GTF3C1: variants seen among roughly 807,000 people sequenced by gnomAD.
GTF3C1 encodes the protein general transcription factor 3C polypeptide 1.
In GTF3C1, 57 loss-of-function variants were observed where a neutral mutation model predicts 226.7. The observed-to-expected ratio is 0.25, with a 90% CI of 0.20 to 0.31. GTF3C1 has a LOEUF of 0.31. Ranked by LOEUF, GTF3C1 falls within the 10% of genes least tolerant of loss-of-function variation. The pLI is 1.00. For synonymous variants in GTF3C1, 1,090 were observed against 1,084.8 expected (o/e 1.00, Z -0.09); for missense variants, 2,217 against 2,776.1 (o/e 0.80, Z 4.53).
intron 5 of GTF3C1, among the ~76,000 whole-genome samples, chr16:27,531,404 C>A (rs1415363084): frequency 2.0e-5 from 3 of 152,224 alleles, no homozygotes; most frequent in Non-Finnish European, 2.9e-5. Context: ...GGGAAAAGCC[C>A]AGCTCAACTG....
At position 27,465,502 on chromosome 16, in the gene GTF3C1, G is replaced by A. The variant is rs751806267; in HGVS notation, c.5113C>T (p.Leu1705Phe). 42 of 1,602,810 alleles carry A rather than the reference G, an allele frequency of 2.6e-5. No individual in the cohort carries two copies. Among genetic ancestry groups the A allele is most frequent in the Non-Finnish European group, 3.5e-5 (41 of 1,179,548 alleles). Residue 1705 changes from leucine to phenylalanine, a missense_variant, in exon 33 of 37, where the codon CTC becomes TTC. Physicochemically the swap from Leu to Phe is conservative, Grantham distance 22. Transcript: ENST00000356183. ...LEELTMGTSC[L>F]PDTFTKLINP... ...ATCAGCTTGGTGAACGTATCAGGGA[G>A]GCAGGAGGTTCCCATTGTTAGCTCT...
At chr16:27,547,327 T>G (rs2089179356) in intron 1 of GTF3C1, among the ~76,000 whole-genome samples, 1 of 152,156 alleles carries the variant, frequency 6.6e-6, no homozygotes, top group Non-Finnish European at 1.5e-5. Flanking sequence ...CTGCTTTCAC[T>G]CCCACGAAGC....
chr16:27,512,269 C>T (rs754581187), intron 6 of GTF3C1, among the ~76,000 whole-genome samples: 4 of 152,148 alleles, frequency 2.6e-5, no homozygotes, highest in Non-Finnish European at 5.9e-5. Context: ...ACCCAGGACA[C>T]GGCCCACACT....
At chr16:27,497,957 A>G (rs1000872395) in intron 13 of GTF3C1, 136 bp from the exon 14 acceptor site, 3 of 661,258 alleles carry the variant, frequency 4.5e-6, no homozygotes, top group Non-Finnish European at 7.4e-6. Flanking sequence ...GGGGCCAGGG[A>G]GATGATGCAA....
intron 8 of GTF3C1, 52 bp downstream of exon 8, chr16:27,508,488 C>T: frequency 2.2e-6 from 3 of 1,352,438 alleles, no homozygotes; most frequent in South Asian, 2.3e-5. Flanking sequence ...CTCAAATACA[C>T]TGCAAGCACC....
intron 6 of GTF3C1, among the ~76,000 whole-genome samples, chr16:27,528,087 A>G (rs1185351444): frequency 6.6e-6 from 1 of 152,228 alleles, no homozygotes; most frequent in Non-Finnish European, 1.5e-5. Context: ...CAGCCTGGCC[A>G]GCATGGCGAA....
Position 27,461,669 on chromosome 16 carries a change from C to T in GTF3C1, c.6118-107G>A, listed in dbSNP as rs143407526. 1 of 829,208 alleles carries T rather than the reference C, an allele frequency of 1.2e-6. No individual in the cohort carries two copies. The highest frequency in any genetic ancestry group is 1.9e-6 in the Non-Finnish European group (1 of 514,400). The allele number at this position is 829,208 out of a possible 1,614,324, so 51.4% of individuals were successfully genotyped here. A position where few individuals can be genotyped will look rare whatever the true frequency, so the allele number is the denominator to read the frequency against. On this transcript the variant is annotated intron_variant, in intron 36 of 36. Transcript: ENST00000356183. The surrounding 1 kb of genome is among the most constrained non-coding windows in gnomAD (Gnocchi z 5.3). ...CCCCTCTGTACCAGGGAGCCACTTCCCAGAGCAGGGGGCACCTGAACTGGG... is the reference window on the plus strand; with the variant it reads ...CCCCTCTGTACCAGGGAGCCACTTCTCAGAGCAGGGGGCACCTGAACTGGG...
At chr16:27,491,100 A>C (rs232068) in intron 19 of GTF3C1, among the ~76,000 whole-genome samples, 26,761 of 152,158 alleles carry the variant, frequency 0.18, 2,589 homozygotes, top group African/African-American at 0.25. Flanking sequence ...TATGAAACAC[A>C]CTGTTCTAAA....
chr16:27,502,889 G>A lies in GTF3C1; in HGVS notation c.1877C>T (p.Thr626Ile). Reference sequence around the variant, plus strand: ...TAAACTCTCGATTAAGCGAAGATTGGTGACAGCTTCTATGATCAGATTCCT... The same window carrying A: ...TAAACTCTCGATTAAGCGAAGATTGATGACAGCTTCTATGATCAGATTCCT... ...KRRNLIIEAV[T>I]NLRLIESLFT... The change falls in exon 11 of 37, where the codon ACC (threonine) becomes ATC (isoleucine). Residue 626 changes from threonine to isoleucine, a missense_variant. This residue lies in a region of GTF3C1 where 52 missense variants were observed against 110.8 expected (regional missense o/e 0.47). Transcript: ENST00000356183. 2 of 1,603,958 alleles carry A rather than the reference G, an allele frequency of 1.2e-6. No homozygotes were observed. The highest frequency in any genetic ancestry group is 1.7e-6 in the Non-Finnish European group (2 of 1,174,786).
At chr16:27,542,285 G>C (rs908858757) in intron 2 of GTF3C1, among the ~76,000 whole-genome samples, 1 of 152,242 alleles carries the variant, frequency 6.6e-6, no homozygotes, top group Non-Finnish European at 1.5e-5. Context: ...AGTATGCCGG[G>C]TGCAGTGGCC....
At chr16:27,494,976 G>A (rs147087582) in intron 15 of GTF3C1, 68 bp from the exon 16 acceptor site, 18 of 1,390,100 alleles carry the variant, frequency 1.3e-5, no homozygotes, top group East Asian at 9.2e-5. Context: ...ACATGGTAAC[G>A]TCATCTCCCA....
At chr16:27,487,385 G>A (rs2088158395) in intron 23 of GTF3C1, among the ~76,000 whole-genome samples, 1 of 152,184 alleles carries the variant, frequency 6.6e-6, no homozygotes, top group South Asian at 2.1e-4. Context: ...TATGAAAGTG[G>A]TCTAAAAACT....
In GTF3C1 at chr16:27,488,373, G is replaced by A. The variant is rs973079409; in HGVS notation, c.3554C>T (p.Ser1185Phe). ...CTCTTCCCAGCCAGCACAGAGCTCG[G>A]AGCCTACTCTTGCTTCCCCCCAAAT... ...LNIWGEARVG[S>F]ELCAGWEEQF... is the part of the protein sequence containing the mutation. The change falls in exon 23 of 37, where the codon TCC (serine) becomes TTC (phenylalanine). Residue 1185 changes from serine to phenylalanine, a missense_variant. Around this residue, in one of 12 missense-constraint regions of GTF3C1, gnomAD observed 546 missense variants for 663.0 expected, o/e 0.82. Transcript: ENST00000356183. The A allele has an allele frequency of 6.2e-7, 1 of 1,613,744 alleles. No individual in the cohort carries two copies. Among genetic ancestry groups the A allele is most frequent in the Non-Finnish European group, 8.5e-7 (1 of 1,179,666 alleles).
chr16:27,482,730 C>T (rs920415379), intron 26 of GTF3C1: 19 of 442,306 alleles, frequency 4.3e-5, no homozygotes, highest in Non-Finnish European at 7.5e-5. Flanking sequence ...AAAACCCACA[C>T]CCAGTCTGCG....
chr16:27,523,228 T>C (rs1159667429), intron 6 of GTF3C1, among the ~76,000 whole-genome samples: 1 of 152,122 alleles, frequency 6.6e-6, no homozygotes, highest in African/African-American at 2.4e-5. Context: ...TTGAAGAAAA[T>C]AATCCAAATT....
At chr16:27,474,500 A>G (rs943591370) in intron 29 of GTF3C1, among the ~76,000 whole-genome samples, 1 of 152,230 alleles carries the variant, frequency 6.6e-6, no homozygotes, top group Non-Finnish European at 1.5e-5. Context: ...ACTAATCAGC[A>G]GGATAGCTGG....
rs780995111 is a variant in GTF3C1, at chr16:27,495,369, A to G, written c.2474T>C (p.Phe825Ser). 5 of 1,614,044 alleles carry G rather than the reference A, an allele frequency of 3.1e-6. No individual in the cohort carries two copies. In the Admixed American group the frequency reaches 8.3e-5, roughly 27 times the overall value. Residue 825 changes from phenylalanine (F) to serine (S), a missense_variant, in exon 15 of 37, where the codon TTC becomes TCC. Coordinates refer to ENST00000356183, the MANE Select transcript of GTF3C1 (RefSeq NM_001520.4). ...PASNTVEKPS[F>S]ISERRTIKQE... The stretch of plus-strand genomic sequence containing the variant: ...CTTTATCGTTCTCCGTTCACTGATG[A>G]AGCTTGGCTTCTCCACGGTGTTGCT...
Position 27,493,269 on chromosome 16 carries a change from C to A in GTF3C1, c.2806G>T (p.Asp936Tyr). 1 of 1,609,900 alleles carries A rather than the reference C, an allele frequency of 6.2e-7. No homozygotes were observed. Among genetic ancestry groups the A allele is most frequent in the South Asian group, 1.1e-5 (1 of 90,966 alleles). The change falls in exon 17 of 37, where the codon GAC becomes TAC. Residue 936 changes from aspartate to tyrosine, a missense_variant. Physicochemically the swap from Asp to Tyr is radical, Grantham distance 160 (BLOSUM62 -3). Around this residue, in one of 12 missense-constraint regions of GTF3C1, gnomAD observed 353 missense variants for 411.7 expected, o/e 0.86. Transcript: ENST00000356183. ...ATCAGCGTGTGCTTCTTCAGCGGGT[C>A]GTTCAGAAATTCCTCCAGGTTGTCC... ...KVDNLEEFLN[D>Y]PLKKHTLIRF...
Position 27,492,642 on chromosome 16 carries a change from G to A in GTF3C1, c.2948C>T (p.Thr983Met), listed in dbSNP as rs777204740. ...CTGATCTTTATCCTGAAACTTTTCC[G>A]TGGGACCAAACTGTAGCAGCCCCAT... ...CYMGLLQFGP[T>M]EKFQDKDQVF... The change falls in exon 18 of 37, where the codon ACG (threonine) becomes ATG (methionine). Residue 983 changes from threonine (T) to methionine (M), a missense_variant. Coordinates refer to ENST00000356183, the MANE Select transcript of GTF3C1 (RefSeq NM_001520.4). The surrounding 1 kb of genome is among the most constrained non-coding windows in gnomAD (Gnocchi z 5.0). 2.5e-5 allele frequency: 40 copies of A among 1,601,378 alleles called. No homozygotes were observed. Among genetic ancestry groups the A allele is most frequent in the South Asian group, 1.3e-4 (12 of 90,818 alleles).
Sources: allele counts gnomAD v4.1 joint callset (sites outside exome capture counted in the v4.1 genomes callset), GRCh38; gene constraint gnomAD v4.1.1; regional missense constraint gnomAD v4.1.1; non-coding constraint Gnocchi (gnomAD v3.1); transcripts MANE v1.5; gene names NCBI Gene and HGNC (gene_info 2026-07-23, HGNC 2026-07-21).